The following LMO4 variants were observed in gnomAD, a reference collection of about 807,000 sequenced individuals.
LMO4 encodes the protein LIM domain only 4, also known as LIM domain transcription factor LMO4.
Under a neutral mutation model 18.5 loss-of-function variants are expected in LMO4, and 3 were observed. The ratio of observed to expected loss-of-function variants is 0.16; its 90% confidence interval spans 0.07 to 0.42. The LOEUF is 0.42. LMO4 is among the 10% of genes least tolerant of loss of function. The pLI, the probability that LMO4 is intolerant of heterozygous loss-of-function variation, is 0.99. For synonymous variants in LMO4, 100 were observed against 88.1 expected (o/e 1.14, Z -0.76); for missense variants, 121 against 219.9 (o/e 0.55, Z 2.84).
rs201285562 is a variant in LMO4, at chr1:87,346,658, GA to G, written c.*1872del. On this transcript the variant is annotated 3_prime_UTR_variant, in exon 5 of 5. Transcript: ENST00000370544. ...TGTTTTCAGAGATTCCAGGGCAGGG[GA>G]AAAAAAAAATCAGTTGAACTTCAAA... The G allele has an allele frequency of 3.4e-3, 511 of 148,878 alleles. 6 individuals carry two copies. Among genetic ancestry groups the G allele is most frequent in the African/African-American group, 9.8e-3 (397 of 40,666 alleles). The allele number at this position is 148,878 out of a possible 1,614,324, so 9.2% of individuals were successfully genotyped here.
intron 1 of LMO4, among the ~76,000 whole-genome samples, chr1:87,330,430 G>A (rs1211084753): frequency 6.6e-6 from 1 of 152,156 alleles, no homozygotes; most frequent in African/African-American, 2.4e-5. Flanking sequence ...TTACATAAAG[G>A]TATGATGCAT....
intron 4 of LMO4, among the ~76,000 whole-genome samples, chr1:87,342,519 T>C (rs1399162021): frequency 6.6e-6 from 1 of 152,116 alleles, no homozygotes; most frequent in African/African-American, 2.4e-5. Flanking sequence ...TTTCTTAATG[T>C]TGGAGGCCAA....
At chr1:87,329,998 A>T in intron 1 of LMO4, among the ~76,000 whole-genome samples, 1 of 147,082 alleles carries the variant, frequency 6.8e-6, no homozygotes, top group Admixed American at 6.7e-5. Flanking sequence ...TTAACTTAAA[A>T]GCTTTCTTTT....
intron 3 of LMO4, 105 bp downstream of exon 3, chr1:87,339,737 C>T (rs1570653917): frequency 2.6e-6 from 2 of 760,550 alleles, no homozygotes; most frequent in Non-Finnish European, 4.4e-6. Flanking sequence ...TCTCAAGCTG[C>T]AGACACTTGA....
chr1:87,333,942 CAAAAAAAA>C (rs78559370), intron 2 of LMO4, among the ~76,000 whole-genome samples: 10 of 109,972 alleles, frequency 9.1e-5, no homozygotes, highest in African/African-American at 3.4e-4. Context: ...CGAGTGCCTT[CAAAAAAAA>C]AAAAACAAAA....
chr1:87,331,759 G>C (rs1048397987), intron 1 of LMO4: 2 of 501,592 alleles, frequency 4.0e-6, no homozygotes, highest in East Asian at 6.5e-5. Flanking sequence ...TGTCAGCGGC[G>C]GCAAGCGCAG....
rs1650588931 is a variant in LMO4 at position 87,345,013 on chromosome 1, G to A, written c.*217G>A. The A allele has an allele frequency of 2.5e-6, 1 of 406,974 alleles. No homozygotes were observed. The highest frequency in any genetic ancestry group is 7.2e-5 in the South Asian group (1 of 13,970). The allele number at this position is 406,974 out of a possible 1,614,324, so 25.2% of individuals were successfully genotyped here. On this transcript the variant is annotated 3_prime_UTR_variant, in exon 5 of 5. Transcript: ENST00000370544. ...AAGGACTCCATGAACCTGGGCTAATGGGAGACTGTAGAGAAAATGAAAAAA... is the reference window on the plus strand; with the variant it reads ...AAGGACTCCATGAACCTGGGCTAATAGGAGACTGTAGAGAAAATGAAAAAA...
intron 1 of LMO4, among the ~76,000 whole-genome samples, chr1:87,329,448 A>G (rs920251268): frequency 2.6e-5 from 4 of 152,180 alleles, no homozygotes; most frequent in Admixed American, 2.6e-4. Context: ...CCGGGCCGCC[A>G]GCTTTGTAGC....
At chr1:87,334,555 C>A (rs1650244204) in intron 2 of LMO4, among the ~76,000 whole-genome samples, 1 of 152,190 alleles carries the variant, frequency 6.6e-6, no homozygotes, top group Non-Finnish European at 1.5e-5. Flanking sequence ...GCTCGCCCGC[C>A]GCCAGGTGAA....
chr1:87,343,504 A>AGT (rs967540303), intron 4 of LMO4, among the ~76,000 whole-genome samples: 1 of 152,146 alleles, frequency 6.6e-6, no homozygotes, highest in Non-Finnish European at 1.5e-5. Context: ...TCCACTCAAA[A>AGT]GTGTGATGGT....
intron 1 of LMO4, among the ~76,000 whole-genome samples, chr1:87,330,999 G>A (rs1211653545): frequency 6.9e-6 from 1 of 145,882 alleles, no homozygotes; most frequent in Admixed American, 7.1e-5. Flanking sequence ...CAGCAGGACG[G>A]GCTCGAATTT....
At chr1:87,341,577 T>G (rs890221107) in intron 4 of LMO4, among the ~76,000 whole-genome samples, 6 of 152,282 alleles carry the variant, frequency 3.9e-5, no homozygotes, top group African/African-American at 1.4e-4. Context: ...GTTTGACAAA[T>G]ATTTGAAAAC....
chr1:87,330,244 C>A (rs1029397445), intron 1 of LMO4, among the ~76,000 whole-genome samples: 1 of 151,792 alleles, frequency 6.6e-6, no homozygotes, highest in African/African-American at 2.4e-5. Flanking sequence ...AAGATGGGGG[C>A]GGGGAAGAGC....
intron 2 of LMO4, among the ~76,000 whole-genome samples, chr1:87,334,819 C>A (rs1650255567): frequency 1.3e-5 from 2 of 152,142 alleles, no homozygotes; most frequent in South Asian, 4.1e-4. Context: ...TCCAAGATTT[C>A]AGATAAAGCG....
intron 1 of LMO4, among the ~76,000 whole-genome samples, chr1:87,330,199 CA>C (rs147603414): frequency 7.0e-4 from 102 of 146,548 alleles, no homozygotes; most frequent in Non-Finnish European, 1.2e-3. Context: ...GTTTCCTTTT[CA>C]AAAAAAAAAT....
intron 4 of LMO4, 134 bp downstream of exon 4, chr1:87,340,336 T>C: frequency 1.4e-6 from 1 of 727,422 alleles, no homozygotes; most frequent in South Asian, 2.1e-5. Context: ...TTACTAGTTG[T>C]ACATAGAGTG....
At chr1:87,339,504 T>G (rs1294571202) in intron 2 of LMO4, 32 bp from the exon 3 acceptor site, 3 of 1,498,960 alleles carry the variant, frequency 2.0e-6, no homozygotes, top group Non-Finnish European at 2.8e-6. Context: ...TTAGGATTAT[T>G]CACTGGTGTC....
intron 2 of LMO4, among the ~76,000 whole-genome samples, chr1:87,336,649 G>T (rs1375451132): frequency 6.6e-6 from 1 of 152,162 alleles, no homozygotes; most frequent in East Asian, 1.9e-4. Context: ...CGTTTTCCCT[G>T]TATAAGGAAC....
At position 87,340,077 on chromosome 1, in the gene LMO4, C is replaced by T. The variant is rs1235338995; in HGVS notation, c.364C>T (p.Leu122=). ...CFTCSTCRNR[L]VPGDRFHYIN... ...TACATGCTCTACCTGCCGGAATCGCCTGGTCCCGGGAGATCGGTTTCACTA... is the reference window on the plus strand; with the variant it reads ...TACATGCTCTACCTGCCGGAATCGCTTGGTCCCGGGAGATCGGTTTCACTA... The change falls in exon 4 of 5, where the codon CTG becomes TTG. Residue 122 remains leucine (L), a synonymous_variant. Transcript: ENST00000370544. 1.2e-6 allele frequency: 2 copies of T among 1,613,850 alleles called. No individual in the cohort carries two copies. The highest frequency in any genetic ancestry group is 1.3e-5 in the African/African-American group (1 of 74,904).
Sources: gnomAD v4.1 joint callset for allele counts (sites outside exome capture counted in the v4.1 genomes callset) on GRCh38, gnomAD v4.1.1 for gene constraint, MANE v1.5 for transcripts, NCBI Gene and HGNC (gene_info 2026-07-23, HGNC 2026-07-21) for gene names.